Variants in EGLN1 observed in about 807,000 individuals in gnomAD.
EGLN1 encodes the protein egl nine homolog 1.
EGLN1 carries 17 observed loss-of-function variants against 38.3 expected under a neutral mutation model. The observed-to-expected ratio is 0.44, with a 90% CI of 0.30 to 0.67. EGLN1 has a LOEUF of 0.67. EGLN1 is among the 30% of genes least tolerant of loss of function. The probability of loss-of-function intolerance (pLI) is 0.08; values close to 1 mark genes in which losing one functional copy is unlikely to be tolerated. For missense variants in EGLN1, 477 were observed against 603.3 expected, an observed-to-expected ratio of 0.79 and a Z score of 2.19; for synonymous variants, 283 against 257.5, an observed-to-expected ratio of 1.10 and a Z score of -0.95.
In EGLN1 at chr1:231,421,039, T is replaced by C; in HGVS notation, c.850A>G (p.Asn284Asp). The C allele has an allele frequency of 1.2e-6, 2 of 1,614,088 alleles. No individual in the cohort carries two copies. Among genetic ancestry groups the C allele is most frequent in the East Asian group, 4.5e-5 (2 of 44,842 alleles). ...ATTTTGTAGCTGCCCAGCTTCCCGT[T>C]ACAGTGGCGTATCAGGTCGTCCATG... ...SSMDDLIRHC[N>D]GKLGSYKING... Residue 284 changes from asparagine (N) to aspartate (D), a missense_variant, in exon 1 of 5, where the codon AAC becomes GAC. Physicochemically the swap from Asn to Asp is conservative, Grantham distance 23 (BLOSUM62 1). This residue lies in a region of EGLN1 where 119 missense variants were observed against 179.0 expected (regional missense o/e 0.66). Coordinates refer to ENST00000366641, the MANE Select transcript of EGLN1 (RefSeq NM_022051.3). The surrounding 1 kb of genome is among the most constrained non-coding windows in gnomAD (Gnocchi z 5.5).
chr1:231,398,147 T>A (rs984627000), intron 1 of EGLN1, among the ~76,000 whole-genome samples: 23 of 152,192 alleles, frequency 1.5e-4, no homozygotes, highest in Non-Finnish European at 5.9e-5. Context: ...ACCGAAATAT[T>A]TTAGATGACA....
At chr1:231,414,151 T>C (rs908260256) in intron 1 of EGLN1, among the ~76,000 whole-genome samples, 2 of 152,122 alleles carry the variant, frequency 1.3e-5, no homozygotes, top group African/African-American at 4.8e-5. Context: ...AATGCCATCA[T>C]GTAGTCACAG....
intron 1 of EGLN1, among the ~76,000 whole-genome samples, chr1:231,382,270 C>T (rs116428828): frequency 0.031 from 4,704 of 152,250 alleles, 247 homozygotes; most frequent in African/African-American, 0.11. Flanking sequence ...GTTATTTTGG[C>T]ACAAACAGTG....
At chr1:231,379,951 C>T (rs372074522) in intron 1 of EGLN1, among the ~76,000 whole-genome samples, 3 of 152,194 alleles carry the variant, frequency 2.0e-5, no homozygotes, top group Admixed American at 2.0e-4. Flanking sequence ...ATACACATCA[C>T]TATCACTACC....
intron 1 of EGLN1, among the ~76,000 whole-genome samples, chr1:231,404,066 C>G (rs940938511): frequency 6.6e-6 from 1 of 152,096 alleles, no homozygotes; most frequent in Non-Finnish European, 1.5e-5. Flanking sequence ...AAAAAAGCTA[C>G]TCCCTATTAT....
chr1:231,382,773 G>A (rs1372484072), intron 1 of EGLN1, among the ~76,000 whole-genome samples: 4 of 151,860 alleles, frequency 2.6e-5, no homozygotes, highest in African/African-American at 9.7e-5. Context: ...AAGGTGCTTG[G>A]CAGGCCGGGC....
chr1:231,421,968 G>C lies in EGLN1; in HGVS notation c.-80C>G, dbSNP rs1241986550. 6 of 1,312,788 alleles carry C rather than the reference G, an allele frequency of 4.6e-6. No individual in the cohort carries two copies. Among genetic ancestry groups the C allele is most frequent in the Non-Finnish European group, 5.8e-6 (6 of 1,037,460 alleles). 81.3% of individuals were successfully genotyped at this position (1,312,788 alleles called of 1,614,324 possible). On this transcript the variant is annotated 5_prime_UTR_variant, in exon 1 of 5. Coordinates refer to ENST00000366641, the MANE Select transcript of EGLN1 (RefSeq NM_022051.3). The surrounding 1 kb of genome is among the most constrained non-coding windows in gnomAD (Gnocchi z 5.5). ...GCCGGACGGCCTCGCCCGAGGCTGGGGAGCGGGGAGAGAGATAGGGGCCGT... is the reference window on the plus strand; with the variant it reads ...GCCGGACGGCCTCGCCCGAGGCTGGCGAGCGGGGAGAGAGATAGGGGCCGT...
Position 231,421,506 on chromosome 1 carries a change from C to G in EGLN1, c.383G>C (p.Arg128Pro). The G allele has an allele frequency of 3.8e-6, 5 of 1,317,884 alleles. No individual in the cohort carries two copies. The highest frequency in any genetic ancestry group is 4.8e-6 in the Non-Finnish European group (5 of 1,034,902). The allele number at this position is 1,317,884 out of a possible 1,614,324, so 81.6% of individuals were successfully genotyped here. Reference protein sequence around the residue: ...ADPAAAASPCRAAAGGQGSAV... With the variant: ...ADPAAAASPCPAAAGGQGSAV... ...CGAGCCCTGGCCGCCGGCGGCCGCA[C>G]GACACGGCGACGCGGCCGCCGCTGG... The change falls in exon 1 of 5, where the codon CGT becomes CCT. Residue 128 changes from arginine to proline, a missense_variant. By Grantham distance (103) the Arg-to-Pro change is moderately radical. This residue lies in a region of EGLN1 where 298 missense variants were observed against 288.9 expected (regional missense o/e 1.03). Transcript: ENST00000366641. This position sits in a 1 kb window ranked among gnomAD's most constrained non-coding sequence, Gnocchi z 5.5.
chr1:231,417,882 T>C (rs1309716565), intron 1 of EGLN1, among the ~76,000 whole-genome samples: 1 of 152,186 alleles, frequency 6.6e-6, no homozygotes, highest in African/African-American at 2.4e-5. Context: ...GCATGCAATA[T>C]ACATGATGTA....
At chr1:231,403,446 A>T (rs1315253996) in intron 1 of EGLN1, among the ~76,000 whole-genome samples, 1 of 152,124 alleles carries the variant, frequency 6.6e-6, no homozygotes, top group Non-Finnish European at 1.5e-5. Context: ...AAAGTCATAA[A>T]CAAAGCAGCA....
intron 1 of EGLN1, among the ~76,000 whole-genome samples, chr1:231,379,356 C>T (rs2102903006): frequency 6.6e-6 from 1 of 152,266 alleles, no homozygotes; most frequent in African/African-American, 2.4e-5. Flanking sequence ...TTATGTGAAA[C>T]AATGTATAAT....
chr1:231,382,333 A>T (rs1192416733), intron 1 of EGLN1, among the ~76,000 whole-genome samples: 1 of 152,212 alleles, frequency 6.6e-6, no homozygotes, highest in Non-Finnish European at 1.5e-5. Flanking sequence ...GGTTCCTGAC[A>T]TTCATCCTGG....
rs12097901 is a variant in EGLN1, at chr1:231,421,509, C to G, written c.380G>C (p.Cys127Ser). The stretch of plus-strand genomic sequence containing the variant: ...GCCCTGGCCGCCGGCGGCCGCACGA[C>G]ACGGCGACGCGGCCGCCGCTGGGTC... Reference protein sequence around the residue: ...PADPAAAASPCRAAAGGQGSA... With the variant: ...PADPAAAASPSRAAAGGQGSA... Residue 127 changes from cysteine to serine, a missense_variant, in exon 1 of 5, where the codon TGT becomes TCT. Cys to Ser is a moderately radical substitution (Grantham distance 112). Around this residue, in one of 4 missense-constraint regions of EGLN1, gnomAD observed 298 missense variants for 288.9 expected, o/e 1.03. Transcript: ENST00000366641. The surrounding 1 kb of genome is among the most constrained non-coding windows in gnomAD (Gnocchi z 5.5). The G allele has an allele frequency of 0.09, 118,137 of 1,318,298 alleles. 10,267 individuals are homozygous for G. The highest frequency in any genetic ancestry group is 0.45 in the East Asian group (14,406 of 31,996). 81.7% of individuals were successfully genotyped at this position (1,318,298 alleles called of 1,614,324 possible). A position where few individuals can be genotyped will look rare whatever the true frequency, so the allele number is the denominator to read the frequency against.
intron 1 of EGLN1, among the ~76,000 whole-genome samples, chr1:231,374,355 T>C (rs1459332790): frequency 6.6e-6 from 1 of 152,216 alleles, no homozygotes; most frequent in Non-Finnish European, 1.5e-5. Context: ...TGGTCCTACT[T>C]TGACAATCTT....
At chr1:231,391,063 T>TGAGA (rs1553353038) in intron 1 of EGLN1, among the ~76,000 whole-genome samples, 1 of 83,044 alleles carries the variant, frequency 1.2e-5, no homozygotes, top group African/African-American at 3.6e-5. Flanking sequence ...CGTGTGTGTG[T>TGAGA]GAGACAGGGA....
At chr1:231,390,810 T>A (rs1688346529) in intron 1 of EGLN1, among the ~76,000 whole-genome samples, 1 of 152,160 alleles carries the variant, frequency 6.6e-6, no homozygotes, top group Non-Finnish European at 1.5e-5. Context: ...TGGTGAGATC[T>A]TAGACGCTAT....
At chr1:231,407,637 G>C (rs1003874525) in intron 1 of EGLN1, among the ~76,000 whole-genome samples, 6 of 152,074 alleles carry the variant, frequency 3.9e-5, no homozygotes, top group Non-Finnish European at 8.8e-5. Context: ...AGGGGTGAGG[G>C]ACATAAGATA....
chr1:231,407,033 T>C (rs1688815990), intron 1 of EGLN1, among the ~76,000 whole-genome samples: 1 of 152,196 alleles, frequency 6.6e-6, no homozygotes, highest in African/African-American at 2.4e-5. Flanking sequence ...TAGGCTACTT[T>C]CCTTACCAAC....
chr1:231,391,092 T>TTTGTGTGTGTG lies in EGLN1; in HGVS notation c.892-16994_892-16993insCACACACACAA, dbSNP rs1553353098. Among the ~76,000 whole-genome samples the TTTGTGTGTGTG allele has an allele frequency of 1.2e-4, 8 of 67,364 alleles. 1 individual carries two copies. The highest frequency in any genetic ancestry group is 3.8e-4 in the African/African-American group (8 of 21,060). 44.2% of individuals were successfully genotyped at this position (67,364 alleles called of 152,430 possible). On this transcript the variant is annotated intron_variant, in intron 1 of 4. Transcript: ENST00000366641. ...ACAGGGAACTCATTCTGTTTTTTTT[T>TTTGTGTGTGTG]TGTGTGTGTGTGTGTGTGTGTGTGT...
Sources: allele counts gnomAD v4.1 joint callset (sites outside exome capture counted in the v4.1 genomes callset), GRCh38; gene constraint gnomAD v4.1.1; regional missense constraint gnomAD v4.1.1; non-coding constraint Gnocchi (gnomAD v3.1); transcripts MANE v1.5; gene names NCBI Gene and HGNC (gene_info 2026-07-23, HGNC 2026-07-21).